DNAJC1: variants seen among roughly 807,000 people sequenced by gnomAD.
DNAJC1 encodes the protein dnaJ homolog subfamily C member 1.
DNAJC1 carries 58 observed loss-of-function variants against 76.6 expected under a neutral mutation model. The observed-to-expected ratio is 0.76, with a 90% CI of 0.61 to 0.94. The LOEUF (loss-of-function observed/expected upper bound fraction) is 0.94. Among genes scored for constraint, DNAJC1 ranks in the 40% least tolerant of loss-of-function variants. The pLI, the probability that DNAJC1 is intolerant of heterozygous loss-of-function variation, is 0.00. For missense variants in DNAJC1, 689 were observed against 677.3 expected, an observed-to-expected ratio of 1.02 and a Z score of -0.19; for synonymous variants, 258 against 267.9, an observed-to-expected ratio of 0.96 and a Z score of 0.36.
intron 1 of DNAJC1, among the ~76,000 whole-genome samples, chr10:22,001,493 T>C (rs1838517699): frequency 6.6e-6 from 1 of 152,256 alleles, no homozygotes; most frequent in Non-Finnish European, 1.5e-5. Context: ...TTTCGGATTC[T>C]ACCTTGACAA....
At chr10:21,848,131 C>T (rs1835690605) in intron 8 of DNAJC1, among the ~76,000 whole-genome samples, 1 of 152,084 alleles carries the variant, frequency 6.6e-6, no homozygotes, top group Non-Finnish European at 1.5e-5. Flanking sequence ...GTTGTTTTGT[C>T]TTTTTGATAA....
chr10:21,994,874 T>C (rs1430067583), intron 1 of DNAJC1, among the ~76,000 whole-genome samples: 1 of 150,198 alleles, frequency 6.7e-6, no homozygotes, highest in East Asian at 1.9e-4. Flanking sequence ...TATGATATAA[T>C]TAAAACACAA....
intron 9 of DNAJC1, among the ~76,000 whole-genome samples, chr10:21,793,758 G>A (rs1304673915): frequency 6.6e-6 from 1 of 151,974 alleles, no homozygotes; most frequent in Non-Finnish European, 1.5e-5. Context: ...CCAGCCTGGG[G>A]GGAACATAGT....
chr10:21,982,422 C>T (rs895544607), intron 1 of DNAJC1, among the ~76,000 whole-genome samples: 2 of 151,946 alleles, frequency 1.3e-5, no homozygotes, highest in Non-Finnish European at 2.9e-5. Context: ...AAATGAAAAC[C>T]TTTTGTGCAT....
At chr10:21,877,101 C>T (rs942518840) in intron 8 of DNAJC1, among the ~76,000 whole-genome samples, 1 of 151,852 alleles carries the variant, frequency 6.6e-6, no homozygotes, top group Non-Finnish European at 1.5e-5. Flanking sequence ...CAGGGAGACC[C>T]AAACTCTAGA....
intron 8 of DNAJC1, among the ~76,000 whole-genome samples, chr10:21,862,075 C>T (rs953496780): frequency 7.2e-5 from 11 of 152,032 alleles, no homozygotes; most frequent in Admixed American, 3.9e-4. Flanking sequence ...TGCACCACCA[C>T]GCCCGGCTAA....
intron 9 of DNAJC1, among the ~76,000 whole-genome samples, chr10:21,796,505 T>G (rs1002958911): frequency 1.3e-5 from 2 of 152,214 alleles, no homozygotes; most frequent in Non-Finnish European, 2.9e-5. Context: ...TTTTTAACTT[T>G]TGTAGGAATC....
At chr10:21,895,811 G>C (rs1200219112) in intron 7 of DNAJC1, among the ~76,000 whole-genome samples, 1 of 152,156 alleles carries the variant, frequency 6.6e-6, no homozygotes, top group Non-Finnish European at 1.5e-5. Flanking sequence ...CTTGAGGGCA[G>C]AACAGTTTCA....
At chr10:21,794,261 A>C in intron 9 of DNAJC1, among the ~76,000 whole-genome samples, 1 of 142,674 alleles carries the variant, frequency 7.0e-6, no homozygotes, top group South Asian at 2.2e-4. Context: ...GTAAGTTCCT[A>C]TCTTCAAAAA....
intron 1 of DNAJC1, among the ~76,000 whole-genome samples, chr10:21,952,023 G>C (rs1320967819): frequency 6.6e-6 from 1 of 152,124 alleles, no homozygotes; most frequent in Non-Finnish European, 1.5e-5. Context: ...TGCAAATTTA[G>C]CTGACTATAC....
chr10:21,956,913 T>C (rs1837695826), intron 1 of DNAJC1, among the ~76,000 whole-genome samples: 1 of 151,422 alleles, frequency 6.6e-6, no homozygotes, highest in Non-Finnish European at 1.5e-5. Context: ...TTTTTTTTTT[T>C]TGAGACAGAG....
intron 7 of DNAJC1, among the ~76,000 whole-genome samples, chr10:21,900,942 T>C (rs1393293376): frequency 2.0e-5 from 3 of 152,150 alleles, no homozygotes; most frequent in South Asian, 2.1e-4. Flanking sequence ...GAACCTGAGT[T>C]TTCTAGAAAA....
chr10:22,001,107 T>A (rs2131856249), intron 1 of DNAJC1, among the ~76,000 whole-genome samples: 1 of 152,274 alleles, frequency 6.6e-6, no homozygotes, highest in African/African-American at 2.4e-5. Context: ...TATATAAAGG[T>A]CAACTCCCAA....
chr10:21,836,041 G>A (rs1835447867), intron 8 of DNAJC1, among the ~76,000 whole-genome samples: 1 of 152,122 alleles, frequency 6.6e-6, no homozygotes, highest in African/African-American at 2.4e-5. Flanking sequence ...CACCAAAGTT[G>A]AAATGAAGGA....
At chr10:21,773,723 G>A (rs1194222312) in intron 9 of DNAJC1, among the ~76,000 whole-genome samples, 1 of 150,580 alleles carries the variant, frequency 6.6e-6, no homozygotes, top group African/African-American at 2.4e-5. Context: ...GTATTTTGGT[G>A]TTCTGTTATC....
chr10:21,775,933 G>T (rs1834449877), intron 9 of DNAJC1, among the ~76,000 whole-genome samples: 1 of 151,976 alleles, frequency 6.6e-6, no homozygotes, highest in Non-Finnish European at 1.5e-5. Flanking sequence ...TTGTAACTGT[G>T]GTGGAATATG....
chr10:21,878,897 C>T (rs1564815495), intron 8 of DNAJC1, among the ~76,000 whole-genome samples: 5 of 151,990 alleles, frequency 3.3e-5, no homozygotes, highest in Admixed American at 3.3e-4. Context: ...GAAAACACCA[C>T]ATTTCTCCAA....
In DNAJC1 at chr10:21,759,376, T is replaced by G; in HGVS notation, c.1390A>C (p.Arg464=). 1 of 1,614,228 alleles carries G rather than the reference T, an allele frequency of 6.2e-7. No homozygotes were observed. The highest frequency in any genetic ancestry group is 8.5e-7 in the Non-Finnish European group (1 of 1,180,024). ...TCAAAGTCCTTCTGCCGCTTGGCTCTGGACTTCTCCTCTGGCTCCGGCTTC... is the reference window on the plus strand; with the variant it reads ...TCAAAGTCCTTCTGCCGCTTGGCTCGGGACTTCTCCTCTGGCTCCGGCTTC... ...TAKPEPEEKS[R]AKRQKDFDIA... is the part of the protein sequence containing the mutation. Residue 464 remains arginine, a synonymous_variant, in exon 11 of 12, where the codon AGA becomes CGA. Coordinates refer to ENST00000376980, the MANE Select transcript of DNAJC1 (RefSeq NM_022365.4).
At chr10:21,816,546 T>TC (rs1490138917) in intron 8 of DNAJC1, among the ~76,000 whole-genome samples, 10 of 129,544 alleles carry the variant, frequency 7.7e-5, no homozygotes, top group African/African-American at 2.6e-4. Flanking sequence ...TCTCTCTCTC[T>TC]TTTTTTTTTT....
Sources: gnomAD v4.1 joint callset for allele counts (sites outside exome capture counted in the v4.1 genomes callset) on GRCh38, gnomAD v4.1.1 for gene constraint, MANE v1.5 for transcripts, NCBI Gene and HGNC (gene_info 2026-07-23, HGNC 2026-07-21) for gene names.